The following SSH2 variants were observed in gnomAD, a reference collection of about 807,000 sequenced individuals.
The protein encoded by SSH2 is protein phosphatase Slingshot homolog 2.
Under a neutral mutation model 135.2 loss-of-function variants are expected in SSH2, and 37 were observed. The observed-to-expected ratio is 0.27, with a 90% CI of 0.21 to 0.36. SSH2 has a LOEUF of 0.36. SSH2 is among the 10% of genes least tolerant of loss of function. The pLI, the probability that SSH2 is intolerant of heterozygous loss-of-function variation, is 1.00. For synonymous variants in SSH2, 628 were observed against 646.2 expected, an observed-to-expected ratio of 0.97 and a Z score of 0.43; for missense variants, 1,408 against 1,765.3, an observed-to-expected ratio of 0.80 and a Z score of 3.63.
intron 3 of SSH2, among the ~76,000 whole-genome samples, chr17:29,752,497 C>G (rs191564691): frequency 1.0e-3 from 159 of 152,042 alleles, no homozygotes; most frequent in African/African-American, 3.7e-3. Flanking sequence ...CTAGATTTTT[C>G]CCTCACACTA....
intron 1 of SSH2, among the ~76,000 whole-genome samples, chr17:29,864,580 C>G (rs1202130605): frequency 6.7e-6 from 1 of 148,500 alleles, no homozygotes; most frequent in Non-Finnish European, 1.5e-5. Context: ...AGATCCCATA[C>G]AAATGCCACA....
Position 29,632,536 on chromosome 17 carries a change from GGCACCTGGGTGCATCCCT to G in SSH2, c.2640_2657del (p.Gly881_Ala886del). ...GCCTCACAGACCCAGGGTACCACTT[GGCACCTGGGTGCATCCCT>G]GAGCCCTGGAGCTCTTGTTCCCCCT... On this transcript the variant is annotated inframe_deletion, in exon 16 of 16. Transcript: ENST00000540801. 6.2e-7 allele frequency: 1 copy of G among 1,614,212 alleles called. No homozygotes were observed. Among genetic ancestry groups the G allele is most frequent in the Non-Finnish European group, 8.5e-7 (1 of 1,180,036 alleles).
At chr17:29,763,726 A>G (rs2041376414) in intron 3 of SSH2, among the ~76,000 whole-genome samples, 1 of 152,196 alleles carries the variant, frequency 6.6e-6, no homozygotes, top group Non-Finnish European at 1.5e-5. Context: ...TAAAGATTTC[A>G]TAAATATGTA....
chr17:29,635,004 G>A (rs2035839108), intron 15 of SSH2, among the ~76,000 whole-genome samples: 1 of 151,974 alleles, frequency 6.6e-6, no homozygotes, highest in Non-Finnish European at 1.5e-5. Context: ...CTAGGTTCAA[G>A]TGATTCTCCT....
chr17:29,780,903 C>T lies in SSH2; in HGVS notation c.188+12991G>A, dbSNP rs530570379. Among the ~76,000 whole-genome samples the T allele has an allele frequency of 2.6e-3, 393 of 152,210 alleles. 5 individuals are homozygous for T. The highest frequency in any genetic ancestry group is 8.6e-3 in the African/African-American group (357 of 41,512). ...TCTCGGCTCACTGCAAACTCCGCCT[C>T]CCGGTTCACGCCATTCTCCTGCCTC... is the stretch of plus-strand genomic sequence containing the variant. On this transcript the variant is annotated intron_variant, in intron 3 of 15. Transcript: ENST00000540801.
intron 2 of SSH2, among the ~76,000 whole-genome samples, chr17:29,798,213 TGCCCAG>T (rs1231815823): frequency 6.6e-6 from 1 of 152,130 alleles, no homozygotes; most frequent in Non-Finnish European, 1.5e-5. Flanking sequence ...CTTGTTCTGT[TGCCCAG>T]GCTGGAGTGC....
At chr17:29,843,459 A>G (rs568571032) in intron 2 of SSH2, among the ~76,000 whole-genome samples, 12 of 152,124 alleles carry the variant, frequency 7.9e-5, no homozygotes, top group Admixed American at 6.5e-4. Context: ...CAAGAGACTG[A>G]GGCATGAGAA....
chr17:29,714,085 T>C (rs2039532671), intron 3 of SSH2, among the ~76,000 whole-genome samples: 1 of 152,160 alleles, frequency 6.6e-6, no homozygotes, highest in Non-Finnish European at 1.5e-5. Context: ...CAGCCCTAAA[T>C]TCTAGATGTA....
intron 1 of SSH2, among the ~76,000 whole-genome samples, chr17:29,869,969 T>G (rs1324237926): frequency 6.6e-6 from 1 of 152,140 alleles, no homozygotes; most frequent in African/African-American, 2.4e-5. Flanking sequence ...CATGGGATAT[T>G]GGTCGGTACT....
chr17:29,673,537 T>G (rs1567864082), intron 8 of SSH2, among the ~76,000 whole-genome samples: 1 of 150,054 alleles, frequency 6.7e-6, no homozygotes, highest in African/African-American at 2.5e-5. Context: ...GCCACTGCAC[T>G]CCAGCCTGGG....
chr17:29,769,728 TAAG>T (rs2041526976), intron 3 of SSH2, among the ~76,000 whole-genome samples: 1 of 152,186 alleles, frequency 6.6e-6, no homozygotes, highest in African/African-American at 2.4e-5. Context: ...ATTGAGTTGA[TAAG>T]AAGCCTAGAT....
chr17:29,670,998 CAA>C (rs2037469973), intron 9 of SSH2, among the ~76,000 whole-genome samples: 1 of 151,944 alleles, frequency 6.6e-6, no homozygotes, highest in African/African-American at 2.4e-5. Flanking sequence ...AAAAAATTTC[CAA>C]AATAGTCACA....
chr17:29,655,277 T>G (rs2036737374), intron 12 of SSH2, among the ~76,000 whole-genome samples: 1 of 152,102 alleles, frequency 6.6e-6, no homozygotes, highest in Non-Finnish European at 1.5e-5. Context: ...CTAATTTTTT[T>G]GTATTTTTAG....
At chr17:29,859,168 T>C (rs1233738247) in intron 1 of SSH2, among the ~76,000 whole-genome samples, 3 of 152,328 alleles carry the variant, frequency 2.0e-5, no homozygotes, top group East Asian at 3.9e-4. Flanking sequence ...TAGCATCTAG[T>C]GGCTATCTGC....
At chr17:29,905,204 G>C (rs774652043) in intron 1 of SSH2, among the ~76,000 whole-genome samples, 10 of 152,074 alleles carry the variant, frequency 6.6e-5, no homozygotes, top group Non-Finnish European at 1.2e-4. Context: ...CAAGCAAAAA[G>C]AACAAAGCTG....
At chr17:29,772,547 A>G (rs2041610498) in intron 3 of SSH2, among the ~76,000 whole-genome samples, 1 of 152,212 alleles carries the variant, frequency 6.6e-6, no homozygotes, top group African/African-American at 2.4e-5. Context: ...AAATACCTAC[A>G]GAACTGGTAA....
At chr17:29,656,464 C>T (rs115479046) in intron 11 of SSH2, among the ~76,000 whole-genome samples, 1 of 152,164 alleles carries the variant, frequency 6.6e-6, no homozygotes. Flanking sequence ...GTGTGAGACA[C>T]CGCGCAGGGC....
At chr17:29,908,633 G>C (rs1185951466) in intron 1 of SSH2, among the ~76,000 whole-genome samples, 1 of 151,830 alleles carries the variant, frequency 6.6e-6, no homozygotes, top group Non-Finnish European at 1.5e-5. Flanking sequence ...GCATGGTGAT[G>C]TGCACCTGTA....
intron 14 of SSH2, among the ~76,000 whole-genome samples, chr17:29,642,110 G>A (rs561141537): frequency 2.6e-5 from 4 of 152,180 alleles, no homozygotes; most frequent in African/African-American, 9.6e-5. Context: ...TATTTAACTG[G>A]AAAGCTAGTA....
Sources: gnomAD v4.1 joint callset for allele counts (sites outside exome capture counted in the v4.1 genomes callset) on GRCh38, gnomAD v4.1.1 for gene constraint, MANE v1.5 for transcripts, NCBI Gene and HGNC (gene_info 2026-07-23, HGNC 2026-07-21) for gene names.